Variants in ZC3H11A observed in about 807,000 individuals in gnomAD.
ZC3H11A encodes zinc finger CCCH domain-containing protein 11A.
ZC3H11A carries 22 observed loss-of-function variants against 90.8 expected under a neutral mutation model. That is an observed-to-expected ratio of 0.24 (90% CI 0.17 to 0.35). The LOEUF is 0.35. ZC3H11A is among the 10% of genes least tolerant of loss of function. ZC3H11A has a pLI of 1.00. For missense variants in ZC3H11A, 701 were observed against 964.9 expected (o/e 0.73, Z 3.62); for synonymous variants, 294 against 339.8 (o/e 0.87, Z 1.48).
chr1:203,808,971 C>T (rs1326610518), intron 2 of ZC3H11A, among the ~76,000 whole-genome samples: 1 of 151,984 alleles, frequency 6.6e-6, no homozygotes, highest in Non-Finnish European at 1.5e-5. Context: ...GCTGGGATTA[C>T]AGGCATTCGC....
chr1:203,797,698 C>T (rs1169614018), intron 1 of ZC3H11A: 6 of 1,535,038 alleles, frequency 3.9e-6, no homozygotes, highest in East Asian at 2.4e-5. Flanking sequence ...GCAAAACAGC[C>T]TGCTAAAAAG....
intron 12 of ZC3H11A, among the ~76,000 whole-genome samples, chr1:203,846,169 G>C (rs1020563611): frequency 2.6e-4 from 38 of 145,014 alleles, no homozygotes; most frequent in Non-Finnish European, 5.3e-4. Flanking sequence ...TTGGGGGGGG[G>C]GTTCATTAAA....
chr1:203,837,917 T>C, intron 10 of ZC3H11A, 49 bp from the exon 11 acceptor site: 1 of 1,558,872 alleles, frequency 6.4e-7, no homozygotes, highest in Non-Finnish European at 8.8e-7. Flanking sequence ...TTTCTTGTCC[T>C]TGCTGAAGAT....
chr1:203,838,153 G>C, intron 11 of ZC3H11A, 89 bp downstream of exon 11: 1 of 1,218,336 alleles, frequency 8.2e-7, no homozygotes, highest in Non-Finnish European at 1.2e-6. Context: ...TCATTCTTTT[G>C]TTCAGGTAAA....
intron 3 of ZC3H11A, among the ~76,000 whole-genome samples, chr1:203,817,557 G>C (rs1171657144): frequency 6.6e-6 from 1 of 152,014 alleles, no homozygotes; most frequent in African/African-American, 2.4e-5. Flanking sequence ...ATTTCCTGCT[G>C]AGTACTAAGA....
In ZC3H11A at chr1:203,849,767, G is replaced by A. The variant is rs746186053; in HGVS notation, c.1680G>A (p.Glu560=). The change falls in exon 15 of 18, where the codon GAG becomes GAA. Residue 560 remains glutamate (E), a synonymous_variant. Coordinates refer to ENST00000367210, the MANE Select transcript of ZC3H11A (RefSeq NM_001376342.1). ...CTAAAATTCAAGTCAAGAGATGTGA[G>A]ACCATGAGAGAGAAGCACATGCAGA... ...DITKIQVKRC[E]TMREKHMQKQ... is the part of the protein sequence containing the mutation. 1 of 1,613,908 alleles carries A rather than the reference G, an allele frequency of 6.2e-7. No individual in the cohort carries two copies. The highest frequency in any genetic ancestry group is 1.1e-5 in the South Asian group (1 of 91,070).
At position 203,810,776 on chromosome 1, in the gene ZC3H11A, T is replaced by C. The variant is rs142064720; in HGVS notation, c.-145-6150T>C. On this transcript the variant is annotated intron_variant, in intron 2 of 17. Coordinates refer to ENST00000367210, the MANE Select transcript of ZC3H11A (RefSeq NM_001376342.1). ...TTGAAACATTAGTAAGGGAGTGTTA[T>C]CTACTCAGGATTCCATTTCTCCACA... Among the ~76,000 whole-genome samples the C allele has an allele frequency of 8.1e-3, 1,232 of 152,132 alleles. 29 individuals carry two copies. The highest frequency in any genetic ancestry group is 0.028 in the African/African-American group (1,162 of 41,498).
chr1:203,822,254 A>G (rs1679032317), intron 4 of ZC3H11A, among the ~76,000 whole-genome samples: 1 of 152,116 alleles, frequency 6.6e-6, no homozygotes, highest in African/African-American at 2.4e-5. Context: ...AAAAACCAAT[A>G]TTGTGTCACA....
intron 10 of ZC3H11A, chr1:203,834,228 T>C (rs771302846): frequency 4.3e-5 from 13 of 304,056 alleles, no homozygotes; most frequent in Non-Finnish European, 6.3e-5. Context: ...GAAGAAAGTA[T>C]GTATATATAA....
intron 4 of ZC3H11A, among the ~76,000 whole-genome samples, chr1:203,825,624 C>A (rs953415366): frequency 6.6e-6 from 1 of 151,876 alleles, no homozygotes; most frequent in East Asian, 1.9e-4. Flanking sequence ...TTAGTAGAGA[C>A]GGGGTTTCAC....
intron 1 of ZC3H11A, chr1:203,800,348 G>C: frequency 2.2e-6 from 2 of 915,710 alleles, no homozygotes; most frequent in Non-Finnish European, 3.4e-6. Context: ...AACAACTGAT[G>C]TTTCTGAAAA....
At chr1:203,817,177 T>A (rs1676635448) in intron 3 of ZC3H11A, 53 bp downstream of exon 3, 2 of 1,448,920 alleles carry the variant, frequency 1.4e-6, no homozygotes, top group Non-Finnish European at 9.4e-7. Flanking sequence ...TTAATAGAAT[T>A]GGATAAGATT....
At position 203,852,718 on chromosome 1, in the gene ZC3H11A, A is replaced by T. The variant is rs1689559787; in HGVS notation, c.*319A>T. On this transcript the variant is annotated 3_prime_UTR_variant, in exon 18 of 18. Transcript: ENST00000367210. ...TGCAAGCGAACTTAGTGACTCCTTGAGGTGTTTGTCAGTTTTGGCTTTTTT... is the reference window on the plus strand; with the variant it reads ...TGCAAGCGAACTTAGTGACTCCTTGTGGTGTTTGTCAGTTTTGGCTTTTTT... 1 of 340,436 alleles carries T rather than the reference A, an allele frequency of 2.9e-6. No individual in the cohort carries two copies. Among genetic ancestry groups the T allele is most frequent in the Admixed American group, 4.6e-5 (1 of 21,612 alleles). The allele number at this position is 340,436 out of a possible 1,614,324, so 21.1% of individuals were successfully genotyped here.
At chr1:203,828,621 G>A (rs1230117082) in intron 5 of ZC3H11A, among the ~76,000 whole-genome samples, 199 bp downstream of exon 5, 1 of 152,128 alleles carries the variant, frequency 6.6e-6, no homozygotes, top group African/African-American at 2.4e-5. Context: ...ATCTTGGCAT[G>A]CCATTTAAGT....
intron 6 of ZC3H11A, 23 bp from the exon 7 acceptor site, chr1:203,829,757 T>G: frequency 6.2e-7 from 1 of 1,613,042 alleles, no homozygotes; most frequent in Non-Finnish European, 8.5e-7. Flanking sequence ...AATTGTGAAT[T>G]TGCCTTAAAT....
intron 12 of ZC3H11A, among the ~76,000 whole-genome samples, chr1:203,845,129 T>C (rs1418012316): frequency 6.6e-6 from 1 of 152,228 alleles, no homozygotes. Flanking sequence ...TTAACTATTA[T>C]TTTTCCATTT....
intron 4 of ZC3H11A, among the ~76,000 whole-genome samples, chr1:203,824,994 T>C (rs1680015690): frequency 6.6e-6 from 1 of 151,218 alleles, no homozygotes; most frequent in Non-Finnish European, 1.5e-5. Flanking sequence ...GGAGAATTGC[T>C]TGAACCCTGG....
chr1:203,830,185 A>G lies in ZC3H11A; in HGVS notation c.682A>G (p.Lys228Glu). The G allele has an allele frequency of 6.2e-7, 1 of 1,601,636 alleles. No homozygotes were observed. Among genetic ancestry groups the G allele is most frequent in the Non-Finnish European group, 8.5e-7 (1 of 1,176,714 alleles). The change falls in exon 8 of 18, where the codon AAA becomes GAA. Residue 228 changes from lysine to glutamate, a missense_variant. By Grantham distance (56) the Lys-to-Glu change is moderately conservative (BLOSUM62 1). Coordinates refer to ENST00000367210, the MANE Select transcript of ZC3H11A (RefSeq NM_001376342.1). Reference protein sequence around the residue: ...EEIKSKKMKEKSKKQGEGSSG... With the variant: ...EEIKSKKMKEESKKQGEGSSG... Reference sequence around the variant, plus strand: ...AATTAAGTCAAAGAAAATGAAGGAAAAATCTAAGAAGCAAGGTGGTAAGTC... The same window carrying G: ...AATTAAGTCAAAGAAAATGAAGGAAGAATCTAAGAAGCAAGGTGGTAAGTC...
chr1:203,806,830 CTTTTTT>C (rs373591619), intron 2 of ZC3H11A, among the ~76,000 whole-genome samples: 2 of 117,860 alleles, frequency 1.7e-5, no homozygotes, highest in African/African-American at 3.2e-5. Flanking sequence ...CCTCAGGTTC[CTTTTTT>C]TTTTTTTTTT....
Sources: allele counts gnomAD v4.1 joint callset (sites outside exome capture counted in the v4.1 genomes callset), GRCh38; gene constraint gnomAD v4.1.1; transcripts MANE v1.5; gene names NCBI Gene and HGNC (gene_info 2026-07-23, HGNC 2026-07-21).